Variants in HSPB8 observed in about 807,000 individuals in gnomAD.
The protein encoded by HSPB8 is heat shock protein beta-8.
Under a neutral mutation model 16.5 loss-of-function variants are expected in HSPB8, and 9 were observed. The observed-to-expected ratio is 0.55, with a 90% CI of 0.33 to 0.95. HSPB8 has a LOEUF of 0.95. HSPB8 is among the 40% of genes least tolerant of loss of function. The pLI is 0.03. For missense variants in HSPB8, 238 were observed against 251.2 expected, an observed-to-expected ratio of 0.95 and a Z score of 0.35; for synonymous variants, 99 against 94.8, an observed-to-expected ratio of 1.04 and a Z score of -0.26.
rs1954730528 is a variant in HSPB8 at position 119,194,196 on chromosome 12, G to T, written c.*338G>T. 5.9e-6 allele frequency: 2 copies of T among 337,434 alleles called. No individual in the cohort carries two copies. The highest frequency in any genetic ancestry group is 2.1e-5 in the African/African-American group (1 of 46,800). 20.9% of individuals were successfully genotyped at this position (337,434 alleles called of 1,614,324 possible). A position where few individuals can be genotyped will look rare whatever the true frequency, so the allele number is the denominator to read the frequency against. On this transcript the variant is annotated 3_prime_UTR_variant, in exon 3 of 3. Coordinates refer to ENST00000281938, the MANE Select transcript of HSPB8 (RefSeq NM_014365.3). ...TATCTTACTTGCAGTGAATGCAAGGGTTACTTTTCTCTGGGGACCTCCCCC... is the reference window on the plus strand; with the variant it reads ...TATCTTACTTGCAGTGAATGCAAGGTTTACTTTTCTCTGGGGACCTCCCCC...
intron 2 of HSPB8, among the ~76,000 whole-genome samples, chr12:119,192,987 T>A (rs1340000151): frequency 6.6e-6 from 1 of 152,066 alleles, no homozygotes; most frequent in South Asian, 2.1e-4. Flanking sequence ...TTATCTCCCA[T>A]CAGGCCTCTC....
At chr12:119,189,707 C>A (rs1328783417) in intron 2 of HSPB8, among the ~76,000 whole-genome samples, 1 of 152,202 alleles carries the variant, frequency 6.6e-6, no homozygotes, top group East Asian at 1.9e-4. Context: ...TGCTGCTCAC[C>A]TCCTGATGTG....
At chr12:119,191,412 T>A (rs1954711283) in intron 2 of HSPB8, among the ~76,000 whole-genome samples, 1 of 152,112 alleles carries the variant, frequency 6.6e-6, no homozygotes, top group Non-Finnish European at 1.5e-5. Flanking sequence ...AGGTCTAAAC[T>A]TTTGACTTTG....
chr12:119,179,330 G>A lies in HSPB8; in HGVS notation c.18G>A (p.Met6Ile), dbSNP rs1015406788. Residue 6 changes from methionine (M) to isoleucine (I), a missense_variant, in exon 1 of 3, where the codon ATG becomes ATA. Physicochemically the swap from Met to Ile is conservative, Grantham distance 10. Transcript: ENST00000281938. ...CAGCCACCATGGCTGACGGTCAGAT[G>A]CCCTTCTCCTGCCACTACCCAAGCC... is the stretch of plus-strand genomic sequence containing the variant. MADGQ[M>I]PFSCHYPSRL... 1.2e-6 allele frequency: 2 copies of A among 1,613,692 alleles called. No homozygotes were observed. The highest frequency in any genetic ancestry group is 1.7e-5 in the Admixed American group (1 of 60,008).
At chr12:119,193,351 G>A (rs1954723921) in intron 2 of HSPB8, among the ~76,000 whole-genome samples, 1 of 152,222 alleles carries the variant, frequency 6.6e-6, no homozygotes, top group African/African-American at 2.4e-5. Context: ...TTAAGGTGAT[G>A]ACTTCAACCT....
intron 2 of HSPB8, among the ~76,000 whole-genome samples, chr12:119,191,791 T>G (rs1173011733): frequency 6.6e-6 from 1 of 152,142 alleles, no homozygotes; most frequent in Non-Finnish European, 1.5e-5. Flanking sequence ...TGTCTGGTGC[T>G]GGGGGAGGCA....
At chr12:119,181,036 T>C (rs895492121) in intron 1 of HSPB8, among the ~76,000 whole-genome samples, 10 of 152,232 alleles carry the variant, frequency 6.6e-5, no homozygotes, top group African/African-American at 2.2e-4. Flanking sequence ...TACTTCACTT[T>C]GTGCTTCTGT....
intron 1 of HSPB8, among the ~76,000 whole-genome samples, chr12:119,181,740 C>T (rs1175445903): frequency 1.3e-5 from 2 of 152,162 alleles, no homozygotes; most frequent in African/African-American, 2.4e-5. Flanking sequence ...ACTAGCATGG[C>T]GGATGTGGAC....
At position 119,193,875 on chromosome 12, in the gene HSPB8, C is replaced by T; in HGVS notation, c.*17C>T. ...TGTACCTGAGATGCCAGTACTGGCC[C>T]ATCCTTGTTTTGTCCCCAACCCTAG... On this transcript the variant is annotated 3_prime_UTR_variant, in exon 3 of 3. Coordinates refer to ENST00000281938, the MANE Select transcript of HSPB8 (RefSeq NM_014365.3). The T allele has an allele frequency of 1.2e-6, 2 of 1,613,658 alleles. No individual in the cohort carries two copies. Among genetic ancestry groups the T allele is most frequent in the Non-Finnish European group, 1.7e-6 (2 of 1,179,656 alleles).
At chr12:119,184,320 C>A (rs1650041509) in intron 1 of HSPB8, among the ~76,000 whole-genome samples, 1 of 152,214 alleles carries the variant, frequency 6.6e-6, no homozygotes. Flanking sequence ...GTGCTTAGAA[C>A]AGTGGCTGAC....
intron 2 of HSPB8, among the ~76,000 whole-genome samples, chr12:119,193,051 C>T (rs1954722247): frequency 6.6e-6 from 1 of 152,184 alleles, no homozygotes; most frequent in Non-Finnish European, 1.5e-5. Context: ...TTTAGGTGGA[C>T]ACAGCCAAAC....
intron 2 of HSPB8, among the ~76,000 whole-genome samples, chr12:119,188,703 C>G (rs756080568): frequency 6.6e-6 from 1 of 152,052 alleles, no homozygotes; most frequent in Non-Finnish European, 1.5e-5. Flanking sequence ...TTAGAAGGGC[C>G]CAGAATAGAT....
intron 2 of HSPB8, among the ~76,000 whole-genome samples, chr12:119,192,814 C>A (rs1211071928): frequency 6.6e-6 from 1 of 152,040 alleles, no homozygotes; most frequent in Non-Finnish European, 1.5e-5. Context: ...GCTGGGGAGG[C>A]CTCACAATCA....
intron 2 of HSPB8, 92 bp downstream of exon 2, chr12:119,187,180 C>G: frequency 9.7e-7 from 1 of 1,032,772 alleles, no homozygotes; most frequent in Non-Finnish European, 1.5e-6. Flanking sequence ...TCTTGGGCAT[C>G]TCTCTTTTAA....
At chr12:119,193,673 T>C (rs1214437798) in intron 2 of HSPB8, 26 bp from the exon 3 acceptor site, 1 of 1,611,980 alleles carries the variant, frequency 6.2e-7, no homozygotes, top group Non-Finnish European at 8.5e-7. Context: ...CAACAATAAA[T>C]GAATAAAATC....
In HSPB8 at chr12:119,193,976, G is replaced by A; in HGVS notation, c.*118G>A. On this transcript the variant is annotated 3_prime_UTR_variant, in exon 3 of 3. Transcript: ENST00000281938. ...CAAGTAAAATGTTAGAGGGTGCGGGGGTGAGGACTGACCACAGATTCCCTG... is the reference window on the plus strand; with the variant it reads ...CAAGTAAAATGTTAGAGGGTGCGGGAGTGAGGACTGACCACAGATTCCCTG... 3.6e-6 allele frequency: 4 copies of A among 1,102,128 alleles called. No homozygotes were observed. Among genetic ancestry groups the A allele is most frequent in the Non-Finnish European group, 5.5e-6 (4 of 725,482 alleles). The allele number at this position is 1,102,128 out of a possible 1,614,324, so 68.3% of individuals were successfully genotyped here. A position where few individuals can be genotyped will look rare whatever the true frequency, so the allele number is the denominator to read the frequency against.
chr12:119,183,314 C>G (rs1213882861), intron 1 of HSPB8: 5 of 152,252 alleles, frequency 3.3e-5, no homozygotes, highest in South Asian at 2.1e-4. Context: ...TCCCCTACCC[C>G]CATCCTGCAA....
At chr12:119,182,968 G>C (rs879434414) in intron 1 of HSPB8, 1 of 152,184 alleles carries the variant, frequency 6.6e-6, no homozygotes, top group Non-Finnish European at 1.5e-5. Flanking sequence ...TACTTCTGGC[G>C]GTGTGGCCCT....
intron 1 of HSPB8, among the ~76,000 whole-genome samples, chr12:119,182,552 C>T (rs1400743704): frequency 3.9e-5 from 6 of 152,176 alleles, no homozygotes; most frequent in South Asian, 2.1e-4. Context: ...GCAGGAGAAT[C>T]GCTTGAACCT....
Sources: allele counts gnomAD v4.1 joint callset (sites outside exome capture counted in the v4.1 genomes callset), GRCh38; gene constraint gnomAD v4.1.1; transcripts MANE v1.5; gene names NCBI Gene and HGNC (gene_info 2026-07-23, HGNC 2026-07-21).